COL25A1: variants seen among roughly 807,000 people sequenced by gnomAD.
The protein encoded by COL25A1 is collagen type XXV alpha 1 chain.
Under a neutral mutation model 128.4 loss-of-function variants are expected in COL25A1, and 103 were observed. That is an observed-to-expected ratio of 0.80 (90% confidence interval 0.68 to 0.94). The LOEUF is 0.94. Ranked by LOEUF, COL25A1 falls within the 40% of genes least tolerant of loss-of-function variation. The pLI, the probability that COL25A1 is intolerant of heterozygous loss-of-function variation, is 0.00. For missense variants in COL25A1, 745 were observed against 840.0 expected (o/e 0.89, Z 1.40); for synonymous variants, 279 against 277.2 (o/e 1.01, Z -0.06).
chr4:108,959,025 T>C (rs1210925133), intron 8 of COL25A1, among the ~76,000 whole-genome samples: 1 of 152,144 alleles, frequency 6.6e-6, no homozygotes, highest in Non-Finnish European at 1.5e-5. Flanking sequence ...TGTGTTTGTA[T>C]ATTTTGATGG....
intron 31 of COL25A1, among the ~76,000 whole-genome samples, chr4:108,838,359 A>G (rs1340383528): frequency 6.6e-6 from 1 of 152,228 alleles, no homozygotes; most frequent in Non-Finnish European, 1.5e-5. Context: ...ACTGACATCA[A>G]CAATTAATAT....
chr4:109,154,730 A>G (rs1578307291), intron 3 of COL25A1, among the ~76,000 whole-genome samples: 1 of 152,256 alleles, frequency 6.6e-6, no homozygotes, highest in African/African-American at 2.4e-5. Flanking sequence ...TGGAAAACGA[A>G]AAAACATCTT....
chr4:109,161,629 CTTCT>C (rs1281703493), intron 3 of COL25A1, among the ~76,000 whole-genome samples: 1 of 152,154 alleles, frequency 6.6e-6, no homozygotes, highest in Non-Finnish European at 1.5e-5. Context: ...AGCCAAATAT[CTTCT>C]TTGTTTTATA....
chr4:109,040,750 A>G (rs1022074391), intron 5 of COL25A1, among the ~76,000 whole-genome samples: 2 of 152,176 alleles, frequency 1.3e-5, no homozygotes, highest in African/African-American at 4.8e-5. Flanking sequence ...AGAACGGTAC[A>G]CAGGTGTCCA....
At chr4:109,266,610 C>T (rs1350736488) in intron 3 of COL25A1, among the ~76,000 whole-genome samples, 1 of 151,240 alleles carries the variant, frequency 6.6e-6, no homozygotes, top group Non-Finnish European at 1.5e-5. Flanking sequence ...CCTGACCAGT[C>T]GGCATGACCT....
intron 13 of COL25A1, among the ~76,000 whole-genome samples, chr4:108,909,452 T>C (rs1743946754): frequency 1.3e-5 from 2 of 152,196 alleles, no homozygotes; most frequent in East Asian, 1.9e-4. Flanking sequence ...AAACCTTCCT[T>C]ATGCTTTTTA....
chr4:108,819,913 G>A (rs1281757519), intron 35 of COL25A1: 14 of 1,179,500 alleles, frequency 1.2e-5, no homozygotes, highest in African/African-American at 1.6e-5. Flanking sequence ...GGATACAAGG[G>A]TTTAAATAAA....
intron 6 of COL25A1, among the ~76,000 whole-genome samples, chr4:109,007,651 A>C (rs748762441): frequency 6.6e-6 from 1 of 152,220 alleles, no homozygotes; most frequent in Non-Finnish European, 1.5e-5. Context: ...CTGGTAGCCA[A>C]AACAAAGGAA....
intron 3 of COL25A1, among the ~76,000 whole-genome samples, chr4:109,122,698 G>T (rs1768214715): frequency 6.6e-6 from 1 of 152,018 alleles, no homozygotes. Flanking sequence ...CTAATGGAAG[G>T]ACATTTGGAG....
chr4:109,218,067 A>C (rs1259161673), intron 3 of COL25A1, among the ~76,000 whole-genome samples: 1 of 152,144 alleles, frequency 6.6e-6, no homozygotes, highest in Non-Finnish European at 1.5e-5. Context: ...TTCTATATTC[A>C]TGTCTTTTTA....
At chr4:108,957,730 C>T (rs1750231855) in intron 8 of COL25A1, among the ~76,000 whole-genome samples, 2 of 152,134 alleles carry the variant, frequency 1.3e-5, no homozygotes, top group Non-Finnish European at 2.9e-5. Context: ...AGGTAATTAG[C>T]TGGCAGGGCC....
intron 3 of COL25A1, among the ~76,000 whole-genome samples, chr4:109,141,101 A>G (rs545817529): frequency 3.2e-4 from 48 of 152,182 alleles, no homozygotes; most frequent in African/African-American, 1.2e-3. Context: ...ATTTTGAGAT[A>G]TGTTCCATCA....
chr4:109,209,722 T>C (rs1311312844), intron 3 of COL25A1, among the ~76,000 whole-genome samples: 3 of 152,146 alleles, frequency 2.0e-5, no homozygotes, highest in Non-Finnish European at 4.4e-5. Flanking sequence ...TGTTTACTAC[T>C]GTATCTTATG....
chr4:109,073,398 A>G (rs549248760), intron 3 of COL25A1, among the ~76,000 whole-genome samples: 5 of 152,312 alleles, frequency 3.3e-5, no homozygotes, highest in Non-Finnish European at 7.4e-5. Context: ...AGATTTCCAA[A>G]AGGACAAAAC....
chr4:109,014,985 C>T (rs901588354), intron 5 of COL25A1, among the ~76,000 whole-genome samples: 4 of 152,166 alleles, frequency 2.6e-5, no homozygotes, highest in East Asian at 3.9e-4. Context: ...AAAGACAGTC[C>T]GGCAGCGCCG....
chr4:109,181,827 A>C (rs1774658809), intron 3 of COL25A1, among the ~76,000 whole-genome samples: 1 of 151,934 alleles, frequency 6.6e-6, no homozygotes, highest in South Asian at 2.1e-4. Context: ...CTGAAATTTT[A>C]TACCCTTTGA....
At chr4:108,932,644 A>ATATTTCTAT (rs1207242030) in intron 11 of COL25A1, among the ~76,000 whole-genome samples, 1 of 152,214 alleles carries the variant, frequency 6.6e-6, no homozygotes, top group Non-Finnish European at 1.5e-5. Flanking sequence ...GACAATTTGG[A>ATATTTCTAT]ACAAAAAATA....
chr4:109,255,887 A>C (rs1781045590), intron 3 of COL25A1, among the ~76,000 whole-genome samples: 1 of 152,174 alleles, frequency 6.6e-6, no homozygotes. Flanking sequence ...ACCCTTAGTA[A>C]GTTAAGTAAA....
intron 3 of COL25A1, among the ~76,000 whole-genome samples, chr4:109,071,125 C>G (rs1398367314): frequency 6.6e-6 from 1 of 151,952 alleles, no homozygotes; most frequent in Non-Finnish European, 1.5e-5. Context: ...CAGAACAGAG[C>G]CCTCAGAAAT....
Sources: gnomAD v4.1 joint callset for allele counts (sites outside exome capture counted in the v4.1 genomes callset) on GRCh38, gnomAD v4.1.1 for gene constraint, MANE v1.5 for transcripts, NCBI Gene and HGNC (gene_info 2026-07-23, HGNC 2026-07-21) for gene names.